Variants in SNED1 observed in about 807,000 individuals in gnomAD.
SNED1 encodes sushi, nidogen and EGF like domains 1.
In SNED1, 81 loss-of-function variants were observed where a neutral mutation model predicts 166.7. That is an observed-to-expected ratio of 0.49 (90% CI 0.41 to 0.58). The LOEUF (loss-of-function observed/expected upper bound fraction) is 0.58. Among genes scored for constraint, SNED1 ranks in the 20% least tolerant of loss-of-function variants. The probability of loss-of-function intolerance (pLI) is 0.00; values close to 1 mark genes in which losing one functional copy is unlikely to be tolerated. For synonymous variants in SNED1, 762 were observed against 822.0 expected (o/e 0.93, Z 1.25); for missense variants, 1,604 against 2,000.2 (o/e 0.80, Z 3.78).
rs1036646796 is a variant in SNED1, at chr2:241,069,740, G to T, written c.3308-180G>T. 6.6e-6 allele frequency among the ~76,000 whole-genome samples: 1 copy of T among 152,166 alleles called. No individual in the cohort carries two copies. Among genetic ancestry groups the T allele is most frequent in the East Asian group, 1.9e-4 (1 of 5,184 alleles). ...CAACCAGGGGCCTGCAGGTCTCTCG[G>T]TTGGAAGATTGTGCTGTACGTGCCA... On this transcript the variant is annotated intron_variant, in intron 23 of 31. Transcript: ENST00000310397. The surrounding 1 kb of genome is among the most constrained non-coding windows in gnomAD (Gnocchi z 4.9).
At chr2:241,032,553 G>A (rs1316450662) in intron 2 of SNED1, among the ~76,000 whole-genome samples, 1 of 152,022 alleles carries the variant, frequency 6.6e-6, no homozygotes, top group African/African-American at 2.4e-5. Context: ...GGTAATGGGT[G>A]CAGCACACCA....
intron 6 of SNED1, among the ~76,000 whole-genome samples, chr2:241,039,369 G>A (rs776838139): frequency 7.2e-5 from 11 of 152,188 alleles, no homozygotes; most frequent in African/African-American, 1.9e-4. Context: ...AGGGACACAC[G>A]CTTTGGCTAT....
At position 241,077,183 on chromosome 2, in the gene SNED1, C is replaced by T. The variant is rs558088823; in HGVS notation, c.3916+3819C>T. The stretch of plus-strand genomic sequence containing the variant: ...CCATTCAATGTGGAAAGAATAGTCT[C>T]AGCAAATGGTGCTGGGACAGCTGGA... On this transcript the variant is annotated intron_variant, in intron 27 of 31. Coordinates refer to ENST00000310397, the MANE Select transcript of SNED1 (RefSeq NM_001080437.3). Among the ~76,000 whole-genome samples the T allele has an allele frequency of 3.3e-5, 5 of 152,242 alleles. No individual in the cohort carries two copies. The East Asian group carries it at 9.6e-4, about 29-fold the overall frequency.
chr2:241,028,652 C>T (rs2061060187), intron 1 of SNED1, among the ~76,000 whole-genome samples: 1 of 152,182 alleles, frequency 6.6e-6, no homozygotes. Context: ...GTATATCTGT[C>T]TTTATGCCAG....
At chr2:241,078,278 G>C (rs1393376934) in intron 27 of SNED1, among the ~76,000 whole-genome samples, 1 of 151,398 alleles carries the variant, frequency 6.6e-6, no homozygotes, top group Non-Finnish European at 1.5e-5. Flanking sequence ...AGCTCCTCAG[G>C]AGGCTGAGGC....
chr2:241,049,364 C>G (rs922147196), intron 11 of SNED1, among the ~76,000 whole-genome samples: 26 of 152,202 alleles, frequency 1.7e-4, no homozygotes, highest in African/African-American at 5.8e-4. Flanking sequence ...TGCAAGTATA[C>G]AAACACCATG....
chr2:241,030,346 C>T lies in SNED1; in HGVS notation c.276C>T (p.Phe92=). 1 of 1,609,440 alleles carries T rather than the reference C, an allele frequency of 6.2e-7. No homozygotes were observed. The highest frequency in any genetic ancestry group is 8.5e-7 in the Non-Finnish European group (1 of 1,177,984). Residue 92 remains phenylalanine (F), a synonymous_variant, in exon 2 of 32, where the codon TTC becomes TTT. Transcript: ENST00000310397. Reference sequence around the variant, plus strand: ...TTTCTCAGTTCACCCCAGTGGCCTTCCCCATTGCCAAGGACCGCTGCGTGG... The same window carrying T: ...TTTCTCAGTTCACCCCAGTGGCCTTTCCCATTGCCAAGGACCGCTGCGTGG... ...KEVSQFTPVA[F]PIAKDRCVVA...
At chr2:241,003,144 C>G (rs1574831668) in intron 1 of SNED1, among the ~76,000 whole-genome samples, 2 of 149,136 alleles carry the variant, frequency 1.3e-5, no homozygotes. Flanking sequence ...CGCTCAGGCA[C>G]TCCCCCAGCC....
intron 1 of SNED1, among the ~76,000 whole-genome samples, chr2:241,020,961 A>G (rs575339276): frequency 6.6e-6 from 1 of 152,196 alleles, no homozygotes. Flanking sequence ...GTCAACAGCA[A>G]TTCCACCTTC....
At chr2:241,027,370 T>G (rs979051811) in intron 1 of SNED1, among the ~76,000 whole-genome samples, 2 of 152,204 alleles carry the variant, frequency 1.3e-5, no homozygotes, top group Non-Finnish European at 2.9e-5. Context: ...CATGAGCCAC[T>G]GTGCCTGGCC....
At chr2:241,050,585 T>G (rs1003775315) in intron 12 of SNED1, among the ~76,000 whole-genome samples, 1 of 152,232 alleles carries the variant, frequency 6.6e-6, no homozygotes, top group Non-Finnish European at 1.5e-5. Context: ...TCCTTGTCCC[T>G]GAGGGAAAGA....
chr2:241,074,606 C>T (rs975811921), intron 27 of SNED1: 21 of 152,294 alleles, frequency 1.4e-4, no homozygotes, highest in African/African-American at 5.1e-4. Flanking sequence ...CCTGAGGTCA[C>T]CACGGTCATG....
rs971296704 is a variant in SNED1 at position 241,094,514 on chromosome 2, T to C, written c.*2878T>C. On this transcript the variant is annotated 3_prime_UTR_variant, in exon 32 of 32. Coordinates refer to ENST00000310397, the MANE Select transcript of SNED1 (RefSeq NM_001080437.3). The surrounding 1 kb of genome is among the most constrained non-coding windows in gnomAD (Gnocchi z 4.3). Reference sequence around the variant, plus strand: ...CTCACACCTACCAGGGGTATTCCAGTGCATAGGGGAAAGGAACCCGGCTGA... The same window carrying C: ...CTCACACCTACCAGGGGTATTCCAGCGCATAGGGGAAAGGAACCCGGCTGA... 17 of 396,970 alleles carry C rather than the reference T, an allele frequency of 4.3e-5. No homozygotes were observed. The highest frequency in any genetic ancestry group is 6.8e-5 in the Admixed American group (2 of 29,366). 24.6% of individuals were successfully genotyped at this position (396,970 alleles called of 1,614,324 possible). A position where few individuals can be genotyped will look rare whatever the true frequency, so the allele number is the denominator to read the frequency against.
Position 241,064,349 on chromosome 2 carries a change from C to T in SNED1, c.2599+224C>T, listed in dbSNP as rs1280212696. On this transcript the variant is annotated intron_variant, in intron 19 of 31. Coordinates refer to ENST00000310397, the MANE Select transcript of SNED1 (RefSeq NM_001080437.3). This position sits in a 1 kb window ranked among gnomAD's most constrained non-coding sequence, Gnocchi z 7.0. ...TAAACCTCCCCATCTCCTGCGCTCA[C>T]CCCCCAGACACCCCTCTTCACCCGA... Among the ~76,000 whole-genome samples the T allele has an allele frequency of 6.6e-6, 1 of 151,988 alleles. No homozygotes were observed. Among genetic ancestry groups the T allele is most frequent in the Non-Finnish European group, 1.5e-5 (1 of 67,954 alleles).
chr2:241,035,185 C>T (rs145475747), intron 4 of SNED1, among the ~76,000 whole-genome samples: 149 of 152,264 alleles, frequency 9.8e-4, no homozygotes, highest in African/African-American at 3.5e-3. Flanking sequence ...GTCTCTGACC[C>T]TCAGGGCCAC....
chr2:241,072,796 G>C (rs890730241), intron 26 of SNED1: 1 of 191,920 alleles, frequency 5.2e-6, no homozygotes, highest in African/African-American at 2.4e-5. Context: ...TGAAGTGCCC[G>C]AGGGTGCGGT....
intron 16 of SNED1, among the ~76,000 whole-genome samples, chr2:241,057,380 A>AAAAAAAATATATATATATAT (rs377141068): frequency 5.9e-5 from 7 of 118,108 alleles, no homozygotes; most frequent in African/African-American, 2.7e-4. Flanking sequence ...TCCATCTCAA[A>AAAAAAAATATATATATATAT]ATATATATAT....
chr2:241,068,003 G>A lies in SNED1; in HGVS notation c.3194+56G>A. 1 of 1,490,986 alleles carries A rather than the reference G, an allele frequency of 6.7e-7. No individual in the cohort carries two copies. Among genetic ancestry groups the A allele is most frequent in the Non-Finnish European group, 9.2e-7 (1 of 1,086,832 alleles). 92.4% of individuals were successfully genotyped at this position (1,490,986 alleles called of 1,614,324 possible). ...GGGTGAAGGCAGGGGTGGGGGCTCG[G>A]GGACACGGGGCCCAGGTCTCGGGCA... On this transcript the variant is annotated intron_variant, in intron 22 of 31. Transcript: ENST00000310397. This position sits in a 1 kb window ranked among gnomAD's most constrained non-coding sequence, Gnocchi z 5.3.
rs1204678695 is a variant in SNED1 at position 241,092,148 on chromosome 2, AAGCCGGGTTGCAGACAC to A, written c.*518_*534del. Reference sequence around the variant, plus strand: ...CAGAGACCAGGTGATGTCAGAAGGAAAGCCGGGTTGCAGACACAGCCGCCCCTGCTCTGGTCCTCCAG... The same window carrying A: ...CAGAGACCAGGTGATGTCAGAAGGAAAGCCGCCCCTGCTCTGGTCCTCCAG... On this transcript the variant is annotated 3_prime_UTR_variant, in exon 32 of 32. Transcript: ENST00000310397. The surrounding 1 kb of genome is among the most constrained non-coding windows in gnomAD (Gnocchi z 4.6). 6.6e-6 allele frequency: 1 copy of A among 152,324 alleles called. No homozygotes were observed. The highest frequency in any genetic ancestry group is 1.5e-5 in the Non-Finnish European group (1 of 68,106). 9.4% of individuals were successfully genotyped at this position (152,324 alleles called of 1,614,324 possible).
Sources: gnomAD v4.1 joint callset for allele counts (sites outside exome capture counted in the v4.1 genomes callset) on GRCh38, gnomAD v4.1.1 for gene constraint, Gnocchi (gnomAD v3.1) non-coding constraint, MANE v1.5 for transcripts, NCBI Gene and HGNC (gene_info 2026-07-23, HGNC 2026-07-21) for gene names.